DCDC1: variants seen among roughly 807,000 people sequenced by gnomAD.
DCDC1 encodes doublecortin domain-containing protein 1.
Under a neutral mutation model 178.3 loss-of-function variants are expected in DCDC1, and 200 were observed. The observed-to-expected ratio is 1.12, with a 90% CI of 1.00 to 1.26. The LOEUF is 1.26. DCDC1 is among the 50% of genes most tolerant of loss of function. The pLI is 0.00. For missense variants in DCDC1, 1,983 were observed against 1,749.2 expected (o/e 1.13, Z -2.38); for synonymous variants, 690 against 604.8 (o/e 1.14, Z -2.07).
intron 8 of DCDC1, among the ~76,000 whole-genome samples, chr11:31,254,866 T>G (rs551164259): frequency 6.6e-6 from 1 of 152,198 alleles, no homozygotes; most frequent in Non-Finnish European, 1.5e-5. Context: ...ATTCAAAATG[T>G]GCAACCACCA....
At chr11:31,189,834 CT>C (rs1170463461) in intron 9 of DCDC1, among the ~76,000 whole-genome samples, 2 of 152,192 alleles carry the variant, frequency 1.3e-5, no homozygotes, top group African/African-American at 4.8e-5. Flanking sequence ...TTTCAAGACC[CT>C]TAACTTCATT....
intron 9 of DCDC1, among the ~76,000 whole-genome samples, chr11:31,231,848 A>G (rs546169155): frequency 6.6e-6 from 1 of 152,346 alleles, no homozygotes; most frequent in Admixed American, 6.5e-5. Context: ...AAGATAAAAT[A>G]AGATTTAAAC....
At chr11:31,152,656 T>G (rs1965289651) in intron 9 of DCDC1, among the ~76,000 whole-genome samples, 2 of 152,232 alleles carry the variant, frequency 1.3e-5, no homozygotes, top group Admixed American at 6.5e-5. Context: ...CTCACACATT[T>G]GTTGAAATTA....
intron 10 of DCDC1, among the ~76,000 whole-genome samples, chr11:31,132,927 C>G (rs1962633249): frequency 6.6e-6 from 1 of 152,086 alleles, no homozygotes; most frequent in Non-Finnish European, 1.5e-5. Context: ...TGAAAGAATA[C>G]AAATGTGCAC....
intron 26 of DCDC1, among the ~76,000 whole-genome samples, chr11:30,916,114 C>T (rs1299205610): frequency 1.3e-5 from 2 of 152,082 alleles, no homozygotes; most frequent in Admixed American, 1.3e-4. Context: ...TTGTTTCTTT[C>T]CTCTATCTAC....
At chr11:30,889,481 T>C (rs751103389) in intron 36 of DCDC1, among the ~76,000 whole-genome samples, 1 of 152,178 alleles carries the variant, frequency 6.6e-6, no homozygotes, top group African/African-American at 2.4e-5. Flanking sequence ...TCTCAAACAC[T>C]GAAACTCTGA....
chr11:31,032,815 C>G (rs1268399517), intron 20 of DCDC1, among the ~76,000 whole-genome samples: 1 of 152,126 alleles, frequency 6.6e-6, no homozygotes, highest in African/African-American at 2.4e-5. Context: ...GTTGAAAGAG[C>G]TAACAGGAGG....
chr11:31,008,274 C>G (rs1341478427), intron 20 of DCDC1, among the ~76,000 whole-genome samples: 2 of 151,970 alleles, frequency 1.3e-5, no homozygotes, highest in South Asian at 2.1e-4. Flanking sequence ...GGAGGAAGTG[C>G]AGATAATTAA....
intron 20 of DCDC1, among the ~76,000 whole-genome samples, chr11:30,962,615 C>G (rs1949167838): frequency 6.6e-6 from 1 of 151,952 alleles, no homozygotes; most frequent in Non-Finnish European, 1.5e-5. Context: ...ATGGTGGAAA[C>G]ATATGGTACA....
chr11:31,226,884 T>C (rs1975038078), intron 9 of DCDC1, among the ~76,000 whole-genome samples: 1 of 152,080 alleles, frequency 6.6e-6, no homozygotes, highest in Admixed American at 6.6e-5. Flanking sequence ...CTTTTAAAAT[T>C]TTCTGTTTAT....
chr11:30,915,438 G>C lies in DCDC1; in HGVS notation c.3653+73C>G, dbSNP rs992363520. On this transcript the variant is annotated intron_variant, in intron 27 of 38. Transcript: ENST00000684477. ...TCTCAGATATAGTTCATCTTGTTCT[G>C]TGGGGACCATGCTAGACTTATTAGG... 2.1e-5 allele frequency: 32 copies of C among 1,517,422 alleles called. No individual in the cohort carries two copies. In the Admixed American group the frequency reaches 3.4e-4, roughly 16 times the overall value. The allele number at this position is 1,517,422 out of a possible 1,614,324, so 94.0% of individuals were successfully genotyped here. A position where few individuals can be genotyped will look rare whatever the true frequency, so the allele number is the denominator to read the frequency against.
intron 20 of DCDC1, among the ~76,000 whole-genome samples, chr11:30,969,648 A>G (rs1471926640): frequency 2.0e-5 from 3 of 152,210 alleles, no homozygotes; most frequent in African/African-American, 7.2e-5. Context: ...GCTTTGAGGT[A>G]AGTTTTGAGT....
At chr11:30,943,497 C>T (rs1291376968) in intron 21 of DCDC1, 7 of 340,392 alleles carry the variant, frequency 2.1e-5, no homozygotes, top group Admixed American at 1.9e-4. Flanking sequence ...AACTATCCAA[C>T]AGCTCATTCC....
At chr11:30,888,154 GAA>G in intron 36 of DCDC1, among the ~76,000 whole-genome samples, 1 of 136,874 alleles carries the variant, frequency 7.3e-6, no homozygotes, top group African/African-American at 3.2e-5. Flanking sequence ...AAGAAAGAAA[GAA>G]AGAAAGGGAA....
At chr11:31,050,056 G>A (rs1955138901) in intron 20 of DCDC1, among the ~76,000 whole-genome samples, 1 of 152,172 alleles carries the variant, frequency 6.6e-6, no homozygotes, top group South Asian at 2.1e-4. Context: ...ACAGGTAGGG[G>A]AAGAACTAAA....
chr11:31,221,595 C>T (rs1303183912), intron 9 of DCDC1, among the ~76,000 whole-genome samples: 1 of 152,188 alleles, frequency 6.6e-6, no homozygotes, highest in Non-Finnish European at 1.5e-5. Context: ...AGCCTTCCTT[C>T]ATTCTGTCCC....
chr11:31,365,367 T>TA, intron 1 of DCDC1, among the ~76,000 whole-genome samples: 1 of 152,266 alleles, frequency 6.6e-6, no homozygotes, highest in African/African-American at 2.4e-5. Flanking sequence ...CCATGGTACT[T>TA]AAATACAGCT....
At chr11:31,185,647 G>A (rs1466414936) in intron 9 of DCDC1, among the ~76,000 whole-genome samples, 1 of 152,062 alleles carries the variant, frequency 6.6e-6, no homozygotes, top group Non-Finnish European at 1.5e-5. Flanking sequence ...GTCAAAACCT[G>A]GTTTTCTGCC....
chr11:30,899,005 T>C (rs933303685), intron 34 of DCDC1, among the ~76,000 whole-genome samples: 3 of 152,274 alleles, frequency 2.0e-5, no homozygotes, highest in African/African-American at 7.2e-5. Context: ...AGACCAATAA[T>C]TGATCACTTT....
Sources: gnomAD v4.1 joint callset for allele counts (sites outside exome capture counted in the v4.1 genomes callset) on GRCh38, gnomAD v4.1.1 for gene constraint, MANE v1.5 for transcripts, NCBI Gene and HGNC (gene_info 2026-07-23, HGNC 2026-07-21) for gene names.